Variants in MYO3B observed in about 807,000 individuals in gnomAD.
MYO3B encodes the protein myosin IIIB.
A neutral mutation model predicts 174.6 loss-of-function variants in MYO3B; 156 were observed. The ratio of observed to expected loss-of-function variants is 0.89; its 90% CI spans 0.78 to 1.02. MYO3B has a LOEUF of 1.02. Among genes scored for constraint, MYO3B ranks in the 50% least tolerant of loss-of-function variants. The pLI, the probability that MYO3B is intolerant of heterozygous loss-of-function variation, is 0.00. For missense variants in MYO3B, 1,632 were observed against 1,639.4 expected (o/e 1.00, Z 0.08); for synonymous variants, 563 against 569.1 (o/e 0.99, Z 0.15).
At chr2:170,650,177 C>T (rs1340094621) in intron 32 of MYO3B, among the ~76,000 whole-genome samples, 12 of 151,600 alleles carry the variant, frequency 7.9e-5, no homozygotes, top group African/African-American at 1.7e-4. Flanking sequence ...GGACTACAGG[C>T]GCCCGCCACC....
At chr2:170,429,272 A>C (rs1341166018) in intron 22 of MYO3B, among the ~76,000 whole-genome samples, 1 of 152,194 alleles carries the variant, frequency 6.6e-6, no homozygotes, top group African/African-American at 2.4e-5. Flanking sequence ...CCTGACCCAT[A>C]TGAGATTTTA....
At chr2:170,573,295 A>G (rs1692568573) in intron 32 of MYO3B, among the ~76,000 whole-genome samples, 1 of 151,850 alleles carries the variant, frequency 6.6e-6, no homozygotes, top group African/African-American at 2.4e-5. Flanking sequence ...TTTAGAATCA[A>G]ACTGAATTAT....
chr2:170,356,789 A>ATTTTTTTTTTTTTTTTTTTTT lies in MYO3B; in HGVS notation c.816-12432_816-12431insTTTTTTTTTTTTTTTTTTTTT, dbSNP rs2094124862. ...TATTTTTATTTTTATCTTTAAAAAAATGTTTTAAGACAAGGTCTCACCCTG... is the reference window on the plus strand; with the variant it reads ...TATTTTTATTTTTATCTTTAAAAAAATTTTTTTTTTTTTTTTTTTTTTGTTTTAAGACAAGGTCTCACCCTG... On this transcript the variant is annotated intron_variant, in intron 8 of 34. Coordinates refer to ENST00000408978, the MANE Select transcript of MYO3B (RefSeq NM_138995.5). Among the ~76,000 whole-genome samples, 7 of 152,090 alleles carry ATTTTTTTTTTTTTTTTTTTTT rather than the reference A, an allele frequency of 4.6e-5. No individual in the cohort carries two copies. In the South Asian group the frequency reaches 1.5e-3, roughly 32 times the overall value.
chr2:170,405,463 C>A, intron 20 of MYO3B, 82 bp from the exon 21 acceptor site: 2 of 1,296,288 alleles, frequency 1.5e-6, no homozygotes, highest in South Asian at 1.2e-5. Flanking sequence ...TATTCTGAGT[C>A]ATTCATGGCT....
chr2:170,250,789 C>G (rs922240731), intron 7 of MYO3B, among the ~76,000 whole-genome samples: 1 of 152,008 alleles, frequency 6.6e-6, no homozygotes, highest in Non-Finnish European at 1.5e-5. Context: ...AGGAGCTGGA[C>G]AGGGGATGGA....
At chr2:170,283,103 T>A (rs916436932) in intron 7 of MYO3B, among the ~76,000 whole-genome samples, 43 of 152,136 alleles carry the variant, frequency 2.8e-4, no homozygotes, top group African/African-American at 1.0e-3. Flanking sequence ...GCTCTCAAAA[T>A]CGTGCTGTGC....
intron 7 of MYO3B, among the ~76,000 whole-genome samples, chr2:170,274,701 G>A (rs1559352122): frequency 2.0e-5 from 3 of 152,192 alleles, no homozygotes; most frequent in South Asian, 2.1e-4. Flanking sequence ...ATGACTCTAT[G>A]TGCTTATCAA....
At chr2:170,245,884 C>A (rs2105319733) in intron 7 of MYO3B, among the ~76,000 whole-genome samples, 1 of 152,244 alleles carries the variant, frequency 6.6e-6, no homozygotes, top group South Asian at 2.1e-4. Context: ...ACAAACCTAA[C>A]AAACCTGCAC....
At chr2:170,628,610 G>A (rs757501916) in intron 32 of MYO3B, among the ~76,000 whole-genome samples, 24 of 152,142 alleles carry the variant, frequency 1.6e-4, no homozygotes, top group Non-Finnish European at 2.6e-4. Flanking sequence ...GAAATCACCC[G>A]TCTTCTGCAT....
intron 32 of MYO3B, among the ~76,000 whole-genome samples, chr2:170,583,966 A>T (rs1024187981): frequency 2.0e-5 from 3 of 152,232 alleles, no homozygotes; most frequent in Non-Finnish European, 4.4e-5. Flanking sequence ...TTTTCAAGAT[A>T]ACCTGGCAAA....
At chr2:170,296,391 C>T (rs1295590605) in intron 7 of MYO3B, among the ~76,000 whole-genome samples, 1 of 152,222 alleles carries the variant, frequency 6.6e-6, no homozygotes. Context: ...GTTAGTGGTA[C>T]AGCTACACTC....
chr2:170,230,179 T>C (rs1267187974), intron 6 of MYO3B, among the ~76,000 whole-genome samples: 1 of 150,388 alleles, frequency 6.6e-6, no homozygotes, highest in Non-Finnish European at 1.5e-5. Context: ...TTTTTGTTTT[T>C]TTTTTTTCGA....
At chr2:170,648,228 G>A (rs1698528882) in intron 32 of MYO3B, among the ~76,000 whole-genome samples, 1 of 152,170 alleles carries the variant, frequency 6.6e-6, no homozygotes, top group Admixed American at 6.5e-5. Flanking sequence ...CAGCACAACA[G>A]GCTAGATTCC....
intron 23 of MYO3B, among the ~76,000 whole-genome samples, chr2:170,458,542 A>G (rs1684044501): frequency 6.6e-6 from 1 of 152,218 alleles, no homozygotes; most frequent in Non-Finnish European, 1.5e-5. Flanking sequence ...CCCTAATAGA[A>G]CCCACTTTCC....
At chr2:170,358,564 T>G (rs973758918) in intron 8 of MYO3B, among the ~76,000 whole-genome samples, 1 of 152,228 alleles carries the variant, frequency 6.6e-6, no homozygotes, top group African/African-American at 2.4e-5. Context: ...ACATTTTTAA[T>G]GGATGAACTG....
intron 30 of MYO3B, among the ~76,000 whole-genome samples, chr2:170,520,458 T>TAC (rs960845081): frequency 6.3e-5 from 9 of 142,762 alleles, no homozygotes; most frequent in African/African-American, 2.1e-4. Context: ...CATATATATA[T>TAC]ACACACACAT....
intron 32 of MYO3B, among the ~76,000 whole-genome samples, chr2:170,549,993 G>A (rs7568933): frequency 0.78 from 118,513 of 152,140 alleles, 46,564 homozygotes; most frequent in African/African-American, 0.87. Context: ...AGGAAGGCAC[G>A]TGGAAATCAG....
rs550883134 is a variant in MYO3B at position 170,630,742 on chromosome 2, G to A, written c.3734-20886G>A. On this transcript the variant is annotated intron_variant, in intron 32 of 34. Transcript: ENST00000408978. ...CAACATTTGCTGTTCTGCAGCCTCC[G>A]CTGCTTATACCCAGGCAAACAGGGT... Among the ~76,000 whole-genome samples, 16 of 152,334 alleles carry A rather than the reference G, an allele frequency of 1.1e-4. No homozygotes were observed. In the East Asian group the frequency reaches 2.9e-3, roughly 28 times the overall value.
chr2:170,265,010 T>C (rs2093372010), intron 7 of MYO3B, among the ~76,000 whole-genome samples: 2 of 152,208 alleles, frequency 1.3e-5, no homozygotes, highest in Admixed American at 6.5e-5. Context: ...GAGATAATTG[T>C]TGAGGGCAGA....
Sources: gnomAD v4.1 joint callset for allele counts (sites outside exome capture counted in the v4.1 genomes callset) on GRCh38, gnomAD v4.1.1 for gene constraint, MANE v1.5 for transcripts, NCBI Gene and HGNC (gene_info 2026-07-23, HGNC 2026-07-21) for gene names.